The following ADGRL3 variants were observed in gnomAD, a reference collection of about 807,000 sequenced individuals.
ADGRL3 encodes the protein adhesion G protein-coupled receptor L3.
A neutral mutation model predicts 153.5 loss-of-function variants in ADGRL3; 62 were observed. The observed-to-expected ratio is 0.40, with a 90% CI of 0.33 to 0.50. The LOEUF (loss-of-function observed/expected upper bound fraction) is 0.50. Among genes scored for constraint, ADGRL3 ranks in the 20% least tolerant of loss-of-function variants. The pLI, the probability that ADGRL3 is intolerant of heterozygous loss-of-function variation, is 0.47. For missense variants in ADGRL3, 1,641 were observed against 1,859.4 expected, an observed-to-expected ratio of 0.88 and a Z score of 2.16; for synonymous variants, 710 against 672.5, an observed-to-expected ratio of 1.06 and a Z score of -0.86.
chr4:61,337,073 T>G (rs1385648861), intron 1 of ADGRL3, among the ~76,000 whole-genome samples: 1 of 152,056 alleles, frequency 6.6e-6, no homozygotes, highest in Non-Finnish European at 1.5e-5. Flanking sequence ...TTTTTGCAGT[T>G]TCCTTGCCTG....
At chr4:61,350,437 T>C (rs2096020285) in intron 1 of ADGRL3, among the ~76,000 whole-genome samples, 1 of 150,872 alleles carries the variant, frequency 6.6e-6, no homozygotes, top group Non-Finnish European at 1.5e-5. Context: ...GATATGGTGC[T>C]CTTTACGTTA....
At position 61,616,506 on chromosome 4, in the gene ADGRL3, G is replaced by A. The variant is rs187845643; in HGVS notation, c.473+29066G>A. On this transcript the variant is annotated intron_variant, in intron 5 of 26. Transcript: ENST00000683033. The stretch of plus-strand genomic sequence containing the variant: ...TTTAAGCAACACAAAAACCACAAGA[G>A]ACGCCTTGTCCTTCTCAAACAGCTT... Among the ~76,000 whole-genome samples the A allele has an allele frequency of 1.7e-3, 261 of 152,208 alleles. 2 individuals carry two copies. The highest frequency in any genetic ancestry group is 5.8e-3 in the African/African-American group (243 of 41,550).
intron 8 of ADGRL3, among the ~76,000 whole-genome samples, chr4:61,796,347 G>A (rs1485399011): frequency 6.6e-6 from 1 of 151,846 alleles, no homozygotes; most frequent in East Asian, 1.9e-4. Flanking sequence ...CCACCCCAGC[G>A]TATCTGTTGG....
intron 1 of ADGRL3, among the ~76,000 whole-genome samples, chr4:61,241,481 A>G (rs991721504): frequency 6.6e-6 from 1 of 152,030 alleles, no homozygotes; most frequent in African/African-American, 2.4e-5. Context: ...CTAATCTACA[A>G]ATGGCTTGGA....
At chr4:62,007,937 A>G (rs2099167499) in intron 21 of ADGRL3, among the ~76,000 whole-genome samples, 1 of 152,156 alleles carries the variant, frequency 6.6e-6, no homozygotes, top group Admixed American at 6.6e-5. Flanking sequence ...ATTGAGGAGT[A>G]GCCAGTGAGA....
chr4:61,409,340 A>G (rs1298075830), intron 2 of ADGRL3, among the ~76,000 whole-genome samples: 2 of 103,914 alleles, frequency 1.9e-5, no homozygotes, highest in African/African-American at 6.5e-5. Context: ...TATTAGACAT[A>G]TATAATAGAT....
In ADGRL3 at chr4:61,904,029, G is replaced by C. The variant is rs554335437; in HGVS notation, c.1888-5531G>C. 2.0e-5 allele frequency among the ~76,000 whole-genome samples: 3 copies of C among 150,350 alleles called. No individual in the cohort carries two copies. The East Asian group carries it at 6.0e-4, about 30-fold the overall frequency. ...AGTGATCCTCCTGCACTGGCCTCCC[G>C]AAGTGCTGGGATTACAGATGTGAGC... On this transcript the variant is annotated intron_variant, in intron 11 of 26. Transcript: ENST00000683033.
chr4:61,414,256 T>C lies in ADGRL3; in HGVS notation c.-174+31067T>C, dbSNP rs142967529. Among the ~76,000 whole-genome samples the C allele has an allele frequency of 2.6e-3, 390 of 152,306 alleles. 1 individual carries two copies. Among genetic ancestry groups the C allele is most frequent in the Middle Eastern group, 0.01 (3 of 294 alleles). On this transcript the variant is annotated intron_variant, in intron 2 of 26. Transcript: ENST00000683033. Reference sequence around the variant, plus strand: ...AATAACAAAAGCATTTTCCTACCTTTGGTTAGGTCTAATTAAAATATGTAA... The same window carrying C: ...AATAACAAAAGCATTTTCCTACCTTCGGTTAGGTCTAATTAAAATATGTAA...
At chr4:61,662,566 G>T (rs375759379) in intron 5 of ADGRL3, among the ~76,000 whole-genome samples, 6 of 152,202 alleles carry the variant, frequency 3.9e-5, no homozygotes, top group Non-Finnish European at 8.8e-5. Flanking sequence ...GTAGCTCAGC[G>T]TGGGCCTGCA....
At chr4:62,025,119 G>A (rs1202015692) in intron 21 of ADGRL3, among the ~76,000 whole-genome samples, 1 of 151,974 alleles carries the variant, frequency 6.6e-6, no homozygotes, top group Non-Finnish European at 1.5e-5. Context: ...CATTTTTAAT[G>A]TAATAGAATA....
At chr4:61,344,704 A>G (rs2095866664) in intron 1 of ADGRL3, among the ~76,000 whole-genome samples, 1 of 152,146 alleles carries the variant, frequency 6.6e-6, no homozygotes, top group South Asian at 2.1e-4. Flanking sequence ...AACTAAGTGT[A>G]CTACATGTAA....
chr4:61,496,180 T>G (rs2098313361), intron 2 of ADGRL3, among the ~76,000 whole-genome samples: 1 of 149,258 alleles, frequency 6.7e-6, no homozygotes, highest in Admixed American at 6.8e-5. Context: ...GAATAATTTC[T>G]GAATGAATAT....
At chr4:62,060,992 T>C (rs1460702822) in intron 25 of ADGRL3, among the ~76,000 whole-genome samples, 1 of 151,952 alleles carries the variant, frequency 6.6e-6, no homozygotes, top group African/African-American at 2.4e-5. Context: ...AGTTATTTCC[T>C]GAATGAACTG....
At chr4:61,228,095 C>T (rs1040570382) in intron 1 of ADGRL3, among the ~76,000 whole-genome samples, 4 of 152,122 alleles carry the variant, frequency 2.6e-5, no homozygotes, top group African/African-American at 9.7e-5. Flanking sequence ...ATTTCACCAG[C>T]GTTTCCATTA....
chr4:61,432,642 CTTTCTTTCTTTCTTT>C lies in ADGRL3; in HGVS notation c.-174+49457_-174+49471del, dbSNP rs2097382124. 4.4e-4 allele frequency among the ~76,000 whole-genome samples: 10 copies of C among 22,932 alleles called. 1 individual carries two copies. Among genetic ancestry groups the C allele is most frequent in the East Asian group, 1.1e-3 (1 of 942 alleles). The allele number at this position is 22,932 out of a possible 152,430, so 15.0% of individuals were successfully genotyped here. On this transcript the variant is annotated intron_variant, in intron 2 of 26. Coordinates refer to ENST00000683033, the MANE Select transcript of ADGRL3 (RefSeq NM_001387552.1). Reference sequence around the variant, plus strand: ...TCTTTCTTTCTTTCTTTCTTTCTTTCTTTCTTTCTTTCTTTTTTTTTTTTTTTTGAGACAGAATTT... The same window carrying C: ...TCTTTCTTTCTTTCTTTCTTTCTTTCTTTTTTTTTTTTTGAGACAGAATTT...
Position 61,536,445 on chromosome 4 carries a change from G to A in ADGRL3, c.259+18927G>A, listed in dbSNP as rs116781343. Among the ~76,000 whole-genome samples the A allele has an allele frequency of 2.9e-3, 447 of 151,974 alleles. 2 individuals are homozygous for A. The highest frequency in any genetic ancestry group is 9.9e-3 in the African/African-American group (409 of 41,500). On this transcript the variant is annotated intron_variant, in intron 4 of 26. Transcript: ENST00000683033. The stretch of plus-strand genomic sequence containing the variant: ...AGTCCTGAGTTTCTTTGTTTTCTGC[G>A]TTGATAATCTATCTACTGCTCTCAG...
rs147073866 is a variant in ADGRL3 at position 62,073,242 on chromosome 4, G to A, written c.*2334G>A. 160 of 152,190 alleles carry A rather than the reference G, an allele frequency of 1.1e-3. No homozygotes were observed. Among genetic ancestry groups the A allele is most frequent in the African/African-American group, 3.8e-3 (158 of 41,546 alleles). The allele number at this position is 152,190 out of a possible 1,614,324, so 9.4% of individuals were successfully genotyped here. ...AAAAAAATTTCTGCTGAGCCAGAGT[G>A]CATCATAACCTTCACATCACCTCAA... On this transcript the variant is annotated 3_prime_UTR_variant, in exon 27 of 27. Transcript: ENST00000683033.
At chr4:61,663,110 C>A (rs1333106708) in intron 5 of ADGRL3, among the ~76,000 whole-genome samples, 1 of 152,156 alleles carries the variant, frequency 6.6e-6, no homozygotes, top group Non-Finnish European at 1.5e-5. Context: ...GACAAGAACT[C>A]GGGACCCTCC....
At chr4:61,748,210 A>G (rs371256105) in intron 8 of ADGRL3, among the ~76,000 whole-genome samples, 1 of 151,852 alleles carries the variant, frequency 6.6e-6, no homozygotes, top group Admixed American at 6.6e-5. Flanking sequence ...AATAAAAGAG[A>G]ATACAATCAA....
Sources: allele counts gnomAD v4.1 joint callset (sites outside exome capture counted in the v4.1 genomes callset), GRCh38; gene constraint gnomAD v4.1.1; transcripts MANE v1.5; gene names NCBI Gene and HGNC (gene_info 2026-07-23, HGNC 2026-07-21).